The following NIF3L1 variants were observed in gnomAD, a reference collection of about 807,000 sequenced individuals.
NIF3L1 encodes the protein NIF3-like protein 1.
In NIF3L1, 26 loss-of-function variants were observed where a neutral mutation model predicts 35.0. The ratio of observed to expected loss-of-function variants is 0.74; its 90% CI spans 0.54 to 1.03. The LOEUF (loss-of-function observed/expected upper bound fraction) is 1.03. Ranked by LOEUF, NIF3L1 falls within the 50% of genes least tolerant of loss-of-function variation. The pLI, the probability that NIF3L1 is intolerant of heterozygous loss-of-function variation, is 0.00. For missense variants in NIF3L1, 449 were observed against 466.3 expected (o/e 0.96, Z 0.34); for synonymous variants, 157 against 178.9 (o/e 0.88, Z 0.98).
At chr2:200,903,425 C>G (rs1481185130) in intron 6 of NIF3L1, 69 bp from the exon 7 acceptor site, 1 of 1,291,306 alleles carries the variant, frequency 7.7e-7, no homozygotes, top group Non-Finnish European at 1.1e-6. Flanking sequence ...GGTATTTCTG[C>G]TTTTGTGTTT....
At chr2:200,896,726 A>G (rs1440627580) in intron 4 of NIF3L1, among the ~76,000 whole-genome samples, 4 of 152,160 alleles carry the variant, frequency 2.6e-5, no homozygotes, top group African/African-American at 9.7e-5. Context: ...CTGGGACTGC[A>G]GGCGCACGCC....
rs367815278 is a variant in NIF3L1 at position 200,893,281 on chromosome 2, G to A, written c.472G>A (p.Ala158Thr). Residue 158 changes from alanine (A) to threonine (T), a missense_variant, in exon 3 of 7, where the codon GCT (alanine) becomes ACT (threonine). Physicochemically the swap from Ala to Thr is moderately conservative, Grantham distance 58. Transcript: ENST00000409020. ...CTSRPIHPSKAPNYPTEGNHR... is the reference protein window; with the variant it reads ...CTSRPIHPSKTPNYPTEGNHR... ...CTCCAGGCCCATACATCCTTCCAAAGCTCCCAACTACCCTACAGAGGGAAA... is the reference window on the plus strand; with the variant it reads ...CTCCAGGCCCATACATCCTTCCAAAACTCCCAACTACCCTACAGAGGGAAA... The A allele has an allele frequency of 6.3e-7, 1 of 1,575,014 alleles. No individual in the cohort carries two copies. Among genetic ancestry groups the A allele is most frequent in the Non-Finnish European group, 8.6e-7 (1 of 1,158,742 alleles).
Position 200,903,681 on chromosome 2 carries a change from G to C in NIF3L1, c.*3G>C, listed in dbSNP as rs775738194. On this transcript the variant is annotated 3_prime_UTR_variant, in exon 7 of 7. Transcript: ENST00000409020. ...GGGACCCTCTTCAGGTGGTATAATTGCAGAAACATCAGGATAACACATTCT... is the reference window on the plus strand; with the variant it reads ...GGGACCCTCTTCAGGTGGTATAATTCCAGAAACATCAGGATAACACATTCT... The C allele has an allele frequency of 1.9e-6, 3 of 1,610,474 alleles. No homozygotes were observed. The Admixed American group carries it at 5.0e-5, about 27-fold the overall frequency.
At chr2:200,901,505 T>C (rs1338618173) in intron 6 of NIF3L1, among the ~76,000 whole-genome samples, 1 of 152,200 alleles carries the variant, frequency 6.6e-6, no homozygotes, top group Non-Finnish European at 1.5e-5. Context: ...ATAGAAAATA[T>C]ATTATCCGGC....
chr2:200,893,390 T>A lies in NIF3L1; in HGVS notation c.581T>A (p.Val194Asp). 3 of 1,614,122 alleles carry A rather than the reference T, an allele frequency of 1.9e-6. No homozygotes were observed. Among genetic ancestry groups the A allele is most frequent in the East Asian group, 2.2e-5 (1 of 44,870 alleles). ...SAVKGIDGVS[V>D]TSFSARTGNE... is the part of the protein sequence containing the mutation. ...GTGAAAGGAATTGACGGTGTTTCTGTCACTTCTTTTTCTGCTAGGTACAAT... is the reference window on the plus strand; with the variant it reads ...GTGAAAGGAATTGACGGTGTTTCTGACACTTCTTTTTCTGCTAGGTACAAT... Residue 194 changes from valine to aspartate, a missense_variant, in exon 3 of 7, where the codon GTC (valine) becomes GAC (aspartate). By Grantham distance (152) the Val-to-Asp change is radical (BLOSUM62 -3). Transcript: ENST00000409020.
At chr2:200,893,536 A>G (rs2040243626) in intron 3 of NIF3L1, 128 bp downstream of exon 3, 3 of 855,974 alleles carry the variant, frequency 3.5e-6, no homozygotes, top group South Asian at 3.5e-5. Context: ...AAAGTAGCAT[A>G]CTCCTCATTT....
Position 200,892,040 on chromosome 2 carries a change from C to G in NIF3L1, c.97C>G (p.Leu33Val), listed in dbSNP as rs1377602472. 1 of 1,614,178 alleles carries G rather than the reference C, an allele frequency of 6.2e-7. No individual in the cohort carries two copies. The highest frequency in any genetic ancestry group is 1.1e-5 in the South Asian group (1 of 91,088). The change falls in exon 2 of 7, where the codon CTC (leucine) becomes GTC (valine). Residue 33 changes from leucine (L) to valine (V), a missense_variant. Transcript: ENST00000409020. The part of the protein sequence containing the change: ...SSRSFMDLKA[L>V]LSSLNDFASL... Reference sequence around the variant, plus strand: ...CCGTTCCTTCATGGATTTGAAGGCTCTCCTTTCTTCCTTGAATGACTTTGC... The same window carrying G: ...CCGTTCCTTCATGGATTTGAAGGCTGTCCTTTCTTCCTTGAATGACTTTGC...
chr2:200,889,354 G>T (rs2040111719), upstream of NIF3L1: 2 of 293,596 alleles, frequency 6.8e-6, no homozygotes, highest in Non-Finnish European at 1.4e-5. Context: ...GAGCGCCGAC[G>T]CGGGACCGGA....
Position 200,899,388 on chromosome 2 carries a change from C to T in NIF3L1, c.869C>T (p.Ser290Phe), listed in dbSNP as rs1317841531. The T allele has an allele frequency of 6.2e-7, 1 of 1,613,508 alleles. No individual in the cohort carries two copies. The highest frequency in any genetic ancestry group is 8.5e-7 in the Non-Finnish European group (1 of 1,179,514). Residue 290 changes from serine (S) to phenylalanine (F), a missense_variant, in exon 6 of 7, where the codon TCT becomes TTT. Transcript: ENST00000409020. Reference protein sequence around the residue: ...LALGVGRTLESQVKVVALCAG... With the variant: ...LALGVGRTLEFQVKVVALCAG... ...TCTTGTTTCCTCTGTTTTGAAGAGT[C>T]TCAAGTCAAAGTCGTGGCCCTGTGT... is the stretch of plus-strand genomic sequence containing the variant.
intron 5 of NIF3L1, among the ~76,000 whole-genome samples, chr2:200,898,709 C>T (rs1478528832): frequency 1.3e-5 from 2 of 152,174 alleles, no homozygotes; most frequent in Non-Finnish European, 2.9e-5. Context: ...TTTAGAAACC[C>T]AAGTGCTAAA....
Position 200,893,332 on chromosome 2 carries a change from T to C in NIF3L1, c.523T>C (p.Tyr175His). ...CCACCGAGTAGAATTCAACGTTAACTACACCCAAGACCTGGACAAAGTCAT... is the reference window on the plus strand; with the variant it reads ...CCACCGAGTAGAATTCAACGTTAACCACACCCAAGACCTGGACAAAGTCAT... ...GNHRVEFNVN[Y>H]TQDLDKVMSA... The change falls in exon 3 of 7, where the codon TAC becomes CAC. Residue 175 changes from tyrosine (Y) to histidine (H), a missense_variant. By Grantham distance (83) the Tyr-to-His change is moderately conservative (BLOSUM62 2). Coordinates refer to ENST00000409020, the MANE Select transcript of NIF3L1 (RefSeq NM_001369441.2). 6.2e-7 allele frequency: 1 copy of C among 1,613,236 alleles called. No individual in the cohort carries two copies. Among genetic ancestry groups the C allele is most frequent in the Non-Finnish European group, 8.5e-7 (1 of 1,179,550 alleles).
intron 4 of NIF3L1, among the ~76,000 whole-genome samples, chr2:200,895,777 G>A (rs1322744835): frequency 1.3e-5 from 2 of 152,100 alleles, no homozygotes; most frequent in Non-Finnish European, 2.9e-5. Context: ...GCTCTGCCTG[G>A]ACCATGTCAT....
intron 1 of NIF3L1, chr2:200,891,708 A>G: frequency 1.8e-6 from 1 of 545,894 alleles, no homozygotes; most frequent in Non-Finnish European, 3.3e-6. Flanking sequence ...TGGCCTGTGA[A>G]GTGGGTTATA....
At chr2:200,899,153 A>AG (rs111757404) in intron 5 of NIF3L1, 4 of 385,612 alleles carry the variant, frequency 1.0e-5, no homozygotes, top group Admixed American at 8.4e-5. Context: ...AAAAAAAAAA[A>AG]CACAACAAAG....
At chr2:200,895,680 A>C (rs1007504091) in intron 4 of NIF3L1, among the ~76,000 whole-genome samples, 4 of 152,234 alleles carry the variant, frequency 2.6e-5, no homozygotes, top group African/African-American at 7.2e-5. Context: ...TAATTGAGAA[A>C]GGGAGACATT....
intron 3 of NIF3L1, among the ~76,000 whole-genome samples, chr2:200,894,551 C>A (rs1046697423): frequency 6.6e-6 from 1 of 151,584 alleles, no homozygotes; most frequent in South Asian, 2.1e-4. Flanking sequence ...CAGGCACCCG[C>A]CCCCCACCAC....
At position 200,903,781 on chromosome 2, in the gene NIF3L1, G is replaced by A. The variant is rs749606841; in HGVS notation, c.*103G>A. ...TGGTGTGCTTCCAGAGAGTGTCTTC[G>A]AGGGTATCATCATTTCCGGTTTGTT... is the stretch of plus-strand genomic sequence containing the variant. On this transcript the variant is annotated 3_prime_UTR_variant, in exon 7 of 7. Transcript: ENST00000409020. 3.1e-5 allele frequency: 28 copies of A among 902,318 alleles called. No individual in the cohort carries two copies. The highest frequency in any genetic ancestry group is 2.8e-4 in the African/African-American group (17 of 60,892). The allele number at this position is 902,318 out of a possible 1,614,324, so 55.9% of individuals were successfully genotyped here. A position where few individuals can be genotyped will look rare whatever the true frequency, so the allele number is the denominator to read the frequency against.
chr2:200,890,397 T>C (rs1371010081), intron 1 of NIF3L1: 2 of 152,032 alleles, frequency 1.3e-5, no homozygotes, highest in African/African-American at 4.8e-5. Flanking sequence ...AGACCTCGAG[T>C]GGTTTTTGGA....
At chr2:200,891,477 AGGAT>A (rs1222077010) in intron 1 of NIF3L1, among the ~76,000 whole-genome samples, 2 of 152,140 alleles carry the variant, frequency 1.3e-5, no homozygotes, top group East Asian at 3.9e-4. Context: ...AGCCTTGGGA[AGGAT>A]GCTGAAAAGG....
Sources: gnomAD v4.1 joint callset for allele counts (sites outside exome capture counted in the v4.1 genomes callset) on GRCh38, gnomAD v4.1.1 for gene constraint, MANE v1.5 for transcripts, NCBI Gene and HGNC (gene_info 2026-07-23, HGNC 2026-07-21) for gene names.